Variants in TYRP1 observed in about 807,000 individuals in gnomAD.
TYRP1 encodes the protein 5,6-dihydroxyindole-2-carboxylic acid oxidase.
Under a neutral mutation model 42.8 loss-of-function variants are expected in TYRP1, and 49 were observed. That is an observed-to-expected ratio of 1.14 (90% CI 0.91 to 1.45). The LOEUF is 1.45. Among genes scored for constraint, TYRP1 ranks in the 40% most tolerant of loss-of-function variants. The pLI is 0.00. For synonymous variants in TYRP1, 279 were observed against 235.4 expected (o/e 1.19, Z -1.69); for missense variants, 848 against 662.0 (o/e 1.28, Z -3.08).
chr9:12,693,959 A>T lies in TYRP1; in HGVS notation c.-38A>T. ...CAGTCTTCTCTACACAAAGAGCTGC[A>T]AACCAGGTCTTTGTTTTGCACTCTT... On this transcript the variant is annotated 5_prime_UTR_variant, in exon 2 of 8. Transcript: ENST00000388918. 5 of 1,612,608 alleles carry T rather than the reference A, an allele frequency of 3.1e-6. No individual in the cohort carries two copies. Among genetic ancestry groups the T allele is most frequent in the Non-Finnish European group, 4.2e-6 (5 of 1,179,900 alleles).
chr9:12,704,043 TC>T (rs1453684856), intron 5 of TYRP1, among the ~76,000 whole-genome samples: 4 of 151,762 alleles, frequency 2.6e-5, no homozygotes, highest in East Asian at 3.9e-4. Flanking sequence ...AATTGTAGCT[TC>T]CCCACAAAAA....
intron 6 of TYRP1, 41 bp from the exon 7 acceptor site, chr9:12,707,950 ATTAATT>A: frequency 6.5e-7 from 1 of 1,544,834 alleles, no homozygotes; most frequent in Non-Finnish European, 8.8e-7. Context: ...TGATAGGAAT[ATTAATT>A]TTATTATGTT....
At chr9:12,708,518 T>TATACC (rs1818298640) in intron 7 of TYRP1, among the ~76,000 whole-genome samples, 3 of 152,078 alleles carry the variant, frequency 2.0e-5, no homozygotes, top group South Asian at 4.1e-4. Flanking sequence ...ATTTTTCTAC[T>TATACC]ATACCATATT....
rs147268542 is a variant in TYRP1, at chr9:12,698,664, C to T, written c.913+9C>T. The T allele has an allele frequency of 2.9e-4, 474 of 1,611,334 alleles. 2 individuals carry two copies. In the African/African-American group the frequency reaches 5.8e-3, roughly 20 times the overall value. On this transcript the variant is annotated intron_variant, in intron 4 of 7. Transcript: ENST00000388918. ...GGGAACACTTTGTAACAGTAAGTTC[C>T]AAATGATAGCTTGGAGTCAGAATTT...
rs776084293 is a variant in TYRP1 at position 12,704,548 on chromosome 9, G to C, written c.1104G>C (p.Lys368Asn). Residue 368 changes from lysine (K) to asparagine (N), a missense_variant, in exon 6 of 8, where the codon AAG (lysine) becomes AAC (asparagine). Transcript: ENST00000388918. ...TAGGTTACAGTGACCCCACGGGAAA[G>C]TATGACCCTGCTGTTCGAAGTCTTC... ...TVEGYSDPTG[K>N]YDPAVRSLHN... 3.1e-6 allele frequency: 5 copies of C among 1,612,650 alleles called. No individual in the cohort carries two copies. Among genetic ancestry groups the C allele is most frequent in the Admixed American group, 1.7e-5 (1 of 59,846 alleles).
intron 3 of TYRP1, among the ~76,000 whole-genome samples, chr9:12,697,054 C>G (rs1205811044): frequency 6.6e-6 from 1 of 152,102 alleles, no homozygotes; most frequent in Admixed American, 6.6e-5. Flanking sequence ...TAAATGAATT[C>G]ATCTGATACT....
At chr9:12,708,924 G>A (rs771999360) in intron 7 of TYRP1, 53 bp from the exon 8 acceptor site, 1 of 1,483,954 alleles carries the variant, frequency 6.7e-7, no homozygotes, top group African/African-American at 1.4e-5. Flanking sequence ...CCACTTTTTG[G>A]TGATAACTAT....
At position 12,693,417 on chromosome 9, in the gene TYRP1, A is replaced by G. The variant is rs1305608228; in HGVS notation, c.-147A>G. 6.4e-6 allele frequency: 1 copy of G among 155,170 alleles called. No individual in the cohort carries two copies. Among genetic ancestry groups the G allele is most frequent in the Non-Finnish European group, 1.4e-5 (1 of 69,946 alleles). 9.6% of individuals were successfully genotyped at this position (155,170 alleles called of 1,614,324 possible). A position where few individuals can be genotyped will look rare whatever the true frequency, so the allele number is the denominator to read the frequency against. ...CTGACGTGAGAGGACAAGAAACACA[A>G]GCAAATATAAAACATTCAATTCTAA... On this transcript the variant is annotated 5_prime_UTR_variant, in exon 1 of 8. Coordinates refer to ENST00000388918, the MANE Select transcript of TYRP1 (RefSeq NM_000550.3).
In TYRP1 at chr9:12,694,032, C is replaced by A; in HGVS notation, c.36C>A (p.Ile12=). Residue 12 remains isoleucine (I), a synonymous_variant, in exon 2 of 8, where the codon ATC becomes ATA. Transcript: ENST00000388918. ...CTAAACTCCTCTCTCTGGGCTGTATCTTCTTCCCCTTGCTACTTTTTCAGC... is the reference window on the plus strand; with the variant it reads ...CTAAACTCCTCTCTCTGGGCTGTATATTCTTCCCCTTGCTACTTTTTCAGC... ...SAPKLLSLGC[I]FFPLLLFQQA... 1 of 1,614,074 alleles carries A rather than the reference C, an allele frequency of 6.2e-7. No homozygotes were observed. The highest frequency in any genetic ancestry group is 1.1e-5 in the South Asian group (1 of 91,078).
chr9:12,701,091 G>A (rs994969573), intron 4 of TYRP1, among the ~76,000 whole-genome samples: 10 of 151,870 alleles, frequency 6.6e-5, no homozygotes, highest in African/African-American at 2.4e-4. Context: ...TTCCTTTCTG[G>A]AGACCACTGG....
intron 6 of TYRP1, among the ~76,000 whole-genome samples, chr9:12,706,043 A>G (rs41314608): frequency 6.6e-6 from 1 of 152,070 alleles, no homozygotes; most frequent in Non-Finnish European, 1.5e-5. Context: ...AAAATGTTCA[A>G]TTTACATACT....
At position 12,702,009 on chromosome 9, in the gene TYRP1, T is replaced by G. The variant is rs62540176; in HGVS notation, c.914-262T>G. ...AAGAAGCATATATTGATTTAACAAATATCAACACCTGTATCTGTTAGTGTG... is the reference window on the plus strand; with the variant it reads ...AAGAAGCATATATTGATTTAACAAAGATCAACACCTGTATCTGTTAGTGTG... On this transcript the variant is annotated intron_variant, in intron 4 of 7. Transcript: ENST00000388918. Among the ~76,000 whole-genome samples the G allele has an allele frequency of 8.2e-3, 1,255 of 152,180 alleles. 8 individuals are homozygous for G. Among genetic ancestry groups the G allele is most frequent in the Middle Eastern group, 0.017 (5 of 294 alleles).
intron 5 of TYRP1, among the ~76,000 whole-genome samples, chr9:12,703,308 T>A (rs906734173): frequency 6.6e-6 from 1 of 151,964 alleles, no homozygotes; most frequent in Non-Finnish European, 1.5e-5. Flanking sequence ...TATACAAATC[T>A]AATAATTATT....
At chr9:12,706,919 A>G (rs1371953454) in intron 6 of TYRP1, among the ~76,000 whole-genome samples, 1 of 152,012 alleles carries the variant, frequency 6.6e-6, no homozygotes, top group East Asian at 1.9e-4. Flanking sequence ...TAATAGAATT[A>G]TTAGGCTTGG....
intron 6 of TYRP1, among the ~76,000 whole-genome samples, chr9:12,705,460 C>T (rs1818242939): frequency 6.6e-6 from 1 of 152,010 alleles, no homozygotes; most frequent in Admixed American, 6.6e-5. Flanking sequence ...GGCATGCTTT[C>T]ATTTCTATGT....
At chr9:12,699,108 A>T (rs1818125153) in intron 4 of TYRP1, among the ~76,000 whole-genome samples, 1 of 152,128 alleles carries the variant, frequency 6.6e-6, no homozygotes, top group East Asian at 1.9e-4. Flanking sequence ...TGCAGTTATA[A>T]AGTTAGAAAA....
At chr9:12,703,915 A>ATG (rs1818217273) in intron 5 of TYRP1, among the ~76,000 whole-genome samples, 1 of 94,766 alleles carries the variant, frequency 1.1e-5, no homozygotes, top group Non-Finnish European at 2.7e-5. Flanking sequence ...GTGTGTATAT[A>ATG]TGTGTGTGTA....
At chr9:12,703,493 A>G (rs149235546) in intron 5 of TYRP1, among the ~76,000 whole-genome samples, 4 of 152,090 alleles carry the variant, frequency 2.6e-5, no homozygotes, top group African/African-American at 9.6e-5. Flanking sequence ...AAATGTACAG[A>G]TTGTGTCTTC....
chr9:12,702,881 A>G (rs1818195506), intron 5 of TYRP1, among the ~76,000 whole-genome samples: 1 of 152,058 alleles, frequency 6.6e-6, no homozygotes, highest in African/African-American at 2.4e-5. Flanking sequence ...CATATGTTTT[A>G]TTTAGGTCCG....
Sources: allele counts gnomAD v4.1 joint callset (sites outside exome capture counted in the v4.1 genomes callset), GRCh38; gene constraint gnomAD v4.1.1; transcripts MANE v1.5; gene names NCBI Gene and HGNC (gene_info 2026-07-23, HGNC 2026-07-21).